PCDH15: variants seen among roughly 807,000 people sequenced by gnomAD.
The protein encoded by PCDH15 is protocadherin-15.
In PCDH15, 129 loss-of-function variants were observed where a neutral mutation model predicts 178.5. The observed-to-expected ratio is 0.72, with a 90% CI of 0.63 to 0.84. PCDH15 has a LOEUF of 0.84. Ranked by LOEUF, PCDH15 falls within the 40% of genes least tolerant of loss-of-function variation. The probability of loss-of-function intolerance (pLI) is 0.00; values close to 1 mark genes in which losing one functional copy is unlikely to be tolerated. For synonymous variants in PCDH15, 800 were observed against 732.0 expected (o/e 1.09, Z -1.50); for missense variants, 2,230 against 2,099.9 (o/e 1.06, Z -1.21).
At chr10:53,878,386 C>CTA (rs556794610) in intron 26 of PCDH15, among the ~76,000 whole-genome samples, 3 of 142,692 alleles carry the variant, frequency 2.1e-5, no homozygotes, top group South Asian at 2.2e-4. Flanking sequence ...TATATATAGT[C>CTA]TATATATATA....
chr10:55,230,006 G>T (rs1286463425), intron 1 of PCDH15, among the ~76,000 whole-genome samples: 1 of 151,988 alleles, frequency 6.6e-6, no homozygotes, highest in Admixed American at 6.6e-5. Flanking sequence ...TTTATATAGT[G>T]TTTGGAGTAA....
chr10:54,539,245 G>C (rs2084925815), intron 2 of PCDH15, among the ~76,000 whole-genome samples: 1 of 152,106 alleles, frequency 6.6e-6, no homozygotes, highest in Admixed American at 6.6e-5. Context: ...CTTCTCACAT[G>C]TAATGATCCC....
At chr10:55,432,883 C>T (rs1308033356) in intron 2 of PCDH15, among the ~76,000 whole-genome samples, 2 of 151,898 alleles carry the variant, frequency 1.3e-5, no homozygotes, top group South Asian at 2.1e-4. Context: ...CTCGGCCTCC[C>T]AAAGCGCTGG....
intron 2 of PCDH15, among the ~76,000 whole-genome samples, chr10:55,054,223 T>C (rs1218138102): frequency 6.6e-6 from 1 of 152,132 alleles, no homozygotes; most frequent in East Asian, 1.9e-4. Context: ...TTCCCCTCTG[T>C]GTGTCTATGT....
intron 2 of PCDH15, among the ~76,000 whole-genome samples, chr10:55,016,097 TTAA>T (rs1474139264): frequency 5.3e-4 from 30 of 57,044 alleles, no homozygotes; most frequent in African/African-American, 3.6e-3. Flanking sequence ...CCTTTTTTTT[TTAA>T]AAAAAAAAAA....
intron 1 of PCDH15, among the ~76,000 whole-genome samples, chr10:54,776,438 A>T (rs1380533843): frequency 9.3e-6 from 1 of 107,190 alleles, no homozygotes; most frequent in Non-Finnish European, 2.0e-5. Flanking sequence ...CCATACAATT[A>T]AAAAAAAAAA....
chr10:55,422,268 C>T (rs1252559046), intron 2 of PCDH15, among the ~76,000 whole-genome samples: 1 of 151,676 alleles, frequency 6.6e-6, no homozygotes, highest in Non-Finnish European at 1.5e-5. Context: ...TTCAAAGATA[C>T]CTTAAAGAAT....
chr10:53,888,703 A>C (rs1178490174), intron 26 of PCDH15, among the ~76,000 whole-genome samples: 11 of 21,082 alleles, frequency 5.2e-4, no homozygotes, highest in African/African-American at 9.0e-4. Flanking sequence ...ATATATATAT[A>C]TCTCCTGTGG....
At chr10:55,269,153 T>C (rs1842374997) in intron 1 of PCDH15, among the ~76,000 whole-genome samples, 1 of 152,042 alleles carries the variant, frequency 6.6e-6, no homozygotes, top group African/African-American at 2.4e-5. Flanking sequence ...GAACAATCTA[T>C]GACAAACCTG....
chr10:54,601,735 C>T (rs2092544700), intron 2 of PCDH15, among the ~76,000 whole-genome samples: 1 of 151,920 alleles, frequency 6.6e-6, no homozygotes, highest in African/African-American at 2.4e-5. Context: ...AAGACACATG[C>T]CCACATATGT....
chr10:54,386,108 G>A (rs1274279779), intron 3 of PCDH15, among the ~76,000 whole-genome samples: 1 of 58,036 alleles, frequency 1.7e-5, no homozygotes, highest in Admixed American at 1.4e-4. Flanking sequence ...AGTTGTGTGT[G>A]TGTGTGTGTG....
intron 20 of PCDH15, among the ~76,000 whole-genome samples, chr10:54,002,884 C>G (rs377323755): frequency 2.8e-4 from 42 of 152,316 alleles, no homozygotes; most frequent in African/African-American, 9.9e-4. Context: ...CTAGCCACCA[C>G]AGCCAGCAGT....
chr10:55,084,575 G>A (rs114511185), intron 2 of PCDH15, among the ~76,000 whole-genome samples: 6,129 of 151,658 alleles, frequency 0.04, 294 homozygotes, highest in East Asian at 0.14. Flanking sequence ...ATAGACAAAT[G>A]GGACCACATT....
At chr10:54,841,985 A>T (rs1340245914) in intron 3 of PCDH15, among the ~76,000 whole-genome samples, 3 of 151,892 alleles carry the variant, frequency 2.0e-5, no homozygotes, top group African/African-American at 7.2e-5. Context: ...TTCAATAAGC[A>T]CATATGCTAT....
intron 1 of PCDH15, among the ~76,000 whole-genome samples, chr10:55,224,228 C>CAA (rs890938674): frequency 5.9e-5 from 9 of 151,792 alleles, no homozygotes; most frequent in African/African-American, 1.9e-4. Context: ...AACAAAAAAA[C>CAA]AAAAAGTACA....
chr10:54,155,006 G>A lies in PCDH15; in HGVS notation c.1591-1713C>T, dbSNP rs192463438. Among the ~76,000 whole-genome samples, 692 of 152,214 alleles carry A rather than the reference G, an allele frequency of 4.5e-3. 10 individuals are homozygous for A. The highest frequency in any genetic ancestry group is 0.015 in the African/African-American group (644 of 41,552). On this transcript the variant is annotated intron_variant, in intron 13 of 37. Transcript: ENST00000644397. ...AAAATTAGAGGATGGGGATAACAGA[G>A]GAGATATCAATTTTGATTATACTTA...
chr10:55,609,597 G>A (rs1843317916), intron 2 of PCDH15, among the ~76,000 whole-genome samples: 1 of 151,966 alleles, frequency 6.6e-6, no homozygotes, highest in Admixed American at 6.6e-5. Flanking sequence ...TAAAGATATT[G>A]TATCATCCAA....
intron 2 of PCDH15, among the ~76,000 whole-genome samples, chr10:55,480,393 TC>T (rs1840154378): frequency 6.6e-6 from 1 of 151,794 alleles, no homozygotes; most frequent in Admixed American, 6.6e-5. Flanking sequence ...ACAGAGGGCA[TC>T]TTTTTGTTGA....
intron 2 of PCDH15, among the ~76,000 whole-genome samples, chr10:54,617,340 C>T (rs373533286): frequency 3.9e-5 from 6 of 151,980 alleles, no homozygotes; most frequent in South Asian, 2.1e-4. Context: ...GTAGCACTTT[C>T]GTAATTACCT....
Sources: gnomAD v4.1 joint callset for allele counts (sites outside exome capture counted in the v4.1 genomes callset) on GRCh38, gnomAD v4.1.1 for gene constraint, MANE v1.5 for transcripts, NCBI Gene and HGNC (gene_info 2026-07-23, HGNC 2026-07-21) for gene names.